The following THRB variants were observed in gnomAD, a reference collection of about 807,000 sequenced individuals.
The protein encoded by THRB is nuclear receptor subfamily 1 group A member 2.
THRB carries 12 observed loss-of-function variants against 47.8 expected under a neutral mutation model. The ratio of observed to expected loss-of-function variants is 0.25; its 90% CI spans 0.16 to 0.41. THRB has a LOEUF of 0.41. Among genes scored for constraint, THRB ranks in the 10% least tolerant of loss-of-function variants. The pLI, the probability that THRB is intolerant of heterozygous loss-of-function variation, is 1.00. For missense variants in THRB, 348 were observed against 589.2 expected (o/e 0.59, Z 4.24); for synonymous variants, 218 against 212.2 (o/e 1.03, Z -0.24).
chr3:24,286,000 G>A (rs1266275569), intron 3 of THRB, among the ~76,000 whole-genome samples: 1 of 152,160 alleles, frequency 6.6e-6, no homozygotes, highest in Admixed American at 6.5e-5. Context: ...GATGGGATTA[G>A]TGCCCTTATG....
At chr3:24,274,942 C>A (rs1420189679) in intron 3 of THRB, among the ~76,000 whole-genome samples, 5 of 152,060 alleles carry the variant, frequency 3.3e-5, no homozygotes, top group Non-Finnish European at 7.4e-5. Context: ...AATATCTGAA[C>A]TCTAAATTAT....
chr3:24,239,589 A>G (rs982834013), intron 3 of THRB, among the ~76,000 whole-genome samples: 2 of 152,042 alleles, frequency 1.3e-5, no homozygotes, highest in Admixed American at 6.6e-5. Flanking sequence ...ATTATTTATT[A>G]TTTTGAAAAA....
chr3:24,198,156 G>C (rs1219597375), intron 4 of THRB, among the ~76,000 whole-genome samples: 2 of 152,144 alleles, frequency 1.3e-5, no homozygotes, highest in African/African-American at 4.8e-5. Context: ...CATTTATGTA[G>C]GTCTCTGCAG....
At chr3:24,183,363 CTTTTCTTTTTTT>C (rs2042159715) in intron 5 of THRB, among the ~76,000 whole-genome samples, 6 of 74,878 alleles carry the variant, frequency 8.0e-5, no homozygotes, top group African/African-American at 3.0e-4. Flanking sequence ...TTTCTTTTTT[CTTTTCTTTTTTT>C]TTTTTTTTTG....
At chr3:24,256,521 T>TAAC (rs2051300716) in intron 3 of THRB, among the ~76,000 whole-genome samples, 1 of 151,926 alleles carries the variant, frequency 6.6e-6, no homozygotes, top group Admixed American at 6.6e-5. Context: ...GAAGATATAT[T>TAAC]AATAATAATA....
intron 1 of THRB, among the ~76,000 whole-genome samples, chr3:24,393,184 T>C (rs961935801): frequency 1.3e-5 from 2 of 152,126 alleles, no homozygotes; most frequent in Non-Finnish European, 2.9e-5. Context: ...TGCTTGTTAT[T>C]TTACATCATA....
At position 24,348,363 on chromosome 3, in the gene THRB, C is replaced by T. The variant is rs149361272; in HGVS notation, c.-260-10992G>A. On this transcript the variant is annotated intron_variant, in intron 1 of 10. Transcript: ENST00000646209. The stretch of plus-strand genomic sequence containing the variant: ...GCCCTGCCCCAGTGACCAGGTTGTA[C>T]TAGTGTAATAAGGCTGGTCCCTGCC... Among the ~76,000 whole-genome samples, 803 of 152,198 alleles carry T rather than the reference C, an allele frequency of 5.3e-3. 2 individuals are homozygous for T. The highest frequency in any genetic ancestry group is 0.011 in the Admixed American group (173 of 15,292).
intron 2 of THRB, among the ~76,000 whole-genome samples, chr3:24,336,004 T>C (rs1200350755): frequency 6.6e-6 from 1 of 152,150 alleles, no homozygotes; most frequent in Non-Finnish European, 1.5e-5. Flanking sequence ...TTTCCATGCT[T>C]TACAAATTGG....
At chr3:24,205,716 A>G (rs1220064230) in intron 4 of THRB, among the ~76,000 whole-genome samples, 1 of 152,198 alleles carries the variant, frequency 6.6e-6, no homozygotes, top group African/African-American at 2.4e-5. Flanking sequence ...AAATTGGATA[A>G]AGAGTCAAGA....
chr3:24,302,532 T>G, intron 2 of THRB, among the ~76,000 whole-genome samples: 1 of 152,250 alleles, frequency 6.6e-6, no homozygotes, highest in South Asian at 2.1e-4. Flanking sequence ...TGCTGTTCAC[T>G]CTTCCTGAAC....
chr3:24,157,218 T>TAC (rs778080907), intron 5 of THRB, among the ~76,000 whole-genome samples: 2 of 151,988 alleles, frequency 1.3e-5, no homozygotes, highest in Non-Finnish European at 2.9e-5. Flanking sequence ...CCACCCTGCC[T>TAC]ACCCCTGCTT....
At chr3:24,135,828 TATATATATATATATATATAATACATAA>T (rs1156522883) in intron 8 of THRB, among the ~76,000 whole-genome samples, 2 of 113,624 alleles carry the variant, frequency 1.8e-5, no homozygotes, top group Non-Finnish European at 3.6e-5. Context: ...GTCATATATA[TATATATATATATATATATAATACATAA>T]ATATATATTA....
At chr3:24,479,847 G>A (rs1453877626) in intron 1 of THRB, among the ~76,000 whole-genome samples, 1 of 152,126 alleles carries the variant, frequency 6.6e-6, no homozygotes, top group Non-Finnish European at 1.5e-5. Context: ...GCCAACACCT[G>A]CATTCCTTTG....
chr3:24,494,966 C>A (rs1301052581), upstream of THRB: 1 of 152,380 alleles, frequency 6.6e-6, no homozygotes, highest in Non-Finnish European at 1.5e-5. Context: ...AATGTCAACT[C>A]CTTGGGCGAA....
chr3:24,179,080 A>T (rs188379240), intron 5 of THRB, among the ~76,000 whole-genome samples: 16 of 152,326 alleles, frequency 1.1e-4, no homozygotes, highest in African/African-American at 3.8e-4. Context: ...ACCGGAAAAT[A>T]AGATTGGTAT....
chr3:24,255,344 T>C (rs11916689), intron 3 of THRB, among the ~76,000 whole-genome samples: 8 of 152,222 alleles, frequency 5.3e-5, no homozygotes, highest in African/African-American at 1.9e-4. Context: ...ATAACATGTA[T>C]ATCACATATA....
chr3:24,411,003 C>T (rs534961347), intron 1 of THRB, among the ~76,000 whole-genome samples: 2 of 151,914 alleles, frequency 1.3e-5, no homozygotes, highest in South Asian at 4.1e-4. Context: ...CCTGGGAGTG[C>T]TGAGTCGGCA....
chr3:24,349,069 G>A (rs780978601), intron 1 of THRB, among the ~76,000 whole-genome samples: 1 of 151,954 alleles, frequency 6.6e-6, no homozygotes, highest in Admixed American at 6.6e-5. Context: ...ATATACCAAC[G>A]ACAAACATTT....
At chr3:24,139,631 C>G (rs1292432140) in intron 8 of THRB, among the ~76,000 whole-genome samples, 1 of 152,154 alleles carries the variant, frequency 6.6e-6, no homozygotes, top group Non-Finnish European at 1.5e-5. Context: ...AGCAATCCAC[C>G]CACCTTGGCC....
Sources: allele counts gnomAD v4.1 joint callset (sites outside exome capture counted in the v4.1 genomes callset), GRCh38; gene constraint gnomAD v4.1.1; transcripts MANE v1.5; gene names NCBI Gene and HGNC (gene_info 2026-07-23, HGNC 2026-07-21).